The following BLOC1S5 variants were observed in gnomAD, a reference collection of about 807,000 sequenced individuals.
BLOC1S5 encodes the protein biogenesis of lysosome-related organelles complex 1 subunit 5.
A neutral mutation model predicts 24.3 loss-of-function variants in BLOC1S5; 27 were observed. That is an observed-to-expected ratio of 1.11 (90% confidence interval 0.82 to 1.53). The LOEUF (loss-of-function observed/expected upper bound fraction) is 1.53, where lower values mean the gene tolerates loss of function less well. Among genes scored for constraint, BLOC1S5 ranks in the 40% most tolerant of loss-of-function variants. The probability of loss-of-function intolerance (pLI) is 0.00; values close to 1 mark genes in which losing one functional copy is unlikely to be tolerated. For synonymous variants in BLOC1S5, 84 were observed against 74.5 expected (o/e 1.13, Z -0.66); for missense variants, 239 against 229.4 (o/e 1.04, Z -0.27).
chr6:8,023,807 C>T (rs369471376), intron 4 of BLOC1S5, among the ~76,000 whole-genome samples: 8 of 152,066 alleles, frequency 5.3e-5, no homozygotes, highest in African/African-American at 1.2e-4. Flanking sequence ...TTATGACATA[C>T]GTGTGTGTGC....
intron 1 of BLOC1S5, among the ~76,000 whole-genome samples, chr6:8,063,427 A>G (rs1402159421): frequency 6.6e-6 from 1 of 152,230 alleles, no homozygotes; most frequent in Non-Finnish European, 1.5e-5. Context: ...TGTAAGTCTC[A>G]AAATTCCTTG....
chr6:8,045,436 C>T (rs1763845961), intron 2 of BLOC1S5, among the ~76,000 whole-genome samples: 1 of 152,186 alleles, frequency 6.6e-6, no homozygotes, highest in African/African-American at 2.4e-5. Flanking sequence ...AGCCCCCACA[C>T]AGAGTCCCTA....
In BLOC1S5 at chr6:8,044,249, T is replaced by A. The variant is rs537051480; in HGVS notation, c.196-2981A>T. Among the ~76,000 whole-genome samples, 541 of 128,136 alleles carry A rather than the reference T, an allele frequency of 4.2e-3. 1 individual carries two copies. The highest frequency in any genetic ancestry group is 5.6e-3 in the Non-Finnish European group (363 of 64,368). 84.1% of individuals were successfully genotyped at this position (128,136 alleles called of 152,430 possible). On this transcript the variant is annotated intron_variant, in intron 2 of 4. Coordinates refer to ENST00000397457, the MANE Select transcript of BLOC1S5 (RefSeq NM_201280.3). ...CAGTGAGCCAAGATTGTGCCACTGC[T>A]CTCCAGCCTGGGCGACAGAGCAAGA...
intron 4 of BLOC1S5, among the ~76,000 whole-genome samples, chr6:8,017,575 T>C (rs1008470132): frequency 2.0e-5 from 3 of 152,246 alleles, no homozygotes; most frequent in African/African-American, 7.2e-5. Context: ...ACGTTCTTCC[T>C]GTTCTATTTT....
rs1762688996 is a variant in BLOC1S5, at chr6:8,015,069, C to T, written c.*580G>A. 3 of 152,718 alleles carry T rather than the reference C, an allele frequency of 2.0e-5. No homozygotes were observed. The South Asian group carries it at 6.2e-4, about 32-fold the overall frequency. 9.5% of individuals were successfully genotyped at this position (152,718 alleles called of 1,614,324 possible). ...GCACTGTAAAATATGCAACGCTTCC[C>T]AAGAGGCAGCTCAAACACCAGCGTG... On this transcript the variant is annotated 3_prime_UTR_variant, in exon 5 of 5. Transcript: ENST00000397457.
At chr6:8,046,230 C>T (rs1342020732) in intron 2 of BLOC1S5, among the ~76,000 whole-genome samples, 1 of 152,130 alleles carries the variant, frequency 6.6e-6, no homozygotes, top group Non-Finnish European at 1.5e-5. Context: ...CACTTGCTGC[C>T]ACCATGTAAG....
rs1757373553 is a variant in BLOC1S5, at chr6:8,064,303, G to A, written c.74C>T (p.Ser25Phe). The A allele has an allele frequency of 1.2e-6, 2 of 1,613,666 alleles. No individual in the cohort carries two copies. Among genetic ancestry groups the A allele is most frequent in the African/African-American group, 2.7e-5 (2 of 74,916 alleles). Residue 25 changes from serine (S) to phenylalanine (F), a missense_variant, in exon 1 of 5, where the codon TCC (serine) becomes TTC (phenylalanine). Transcript: ENST00000397457. ...APGGGSKKRDSLGTAGSAHLI... is the reference protein window; with the variant it reads ...APGGGSKKRDFLGTAGSAHLI... The stretch of plus-strand genomic sequence containing the variant: ...GTGCGCTGAGCCCGCAGTCCCCAGG[G>A]AGTCCCTCTTCTTGCTGCCACCGCC...
At chr6:8,042,022 T>C (rs1021025020) in intron 2 of BLOC1S5, 3 of 152,232 alleles carry the variant, frequency 2.0e-5, no homozygotes, top group African/African-American at 4.8e-5. Flanking sequence ...TGAAAATTTA[T>C]GCAGCTTTCT....
chr6:8,053,252 G>A (rs976037164), intron 2 of BLOC1S5, among the ~76,000 whole-genome samples: 14 of 152,240 alleles, frequency 9.2e-5, no homozygotes, highest in Non-Finnish European at 1.9e-4. Flanking sequence ...ATGAAATTTC[G>A]AAAAAACTTC....
chr6:8,035,359 T>A (rs9505341), intron 3 of BLOC1S5, among the ~76,000 whole-genome samples: 80,318 of 148,356 alleles, frequency 0.54, 22,425 homozygotes, highest in East Asian at 0.73. Flanking sequence ...TTTTTTTTTT[T>A]AAAAAAAAGG....
intron 3 of BLOC1S5, among the ~76,000 whole-genome samples, chr6:8,034,320 T>C (rs907276729): frequency 1.3e-5 from 2 of 152,196 alleles, no homozygotes; most frequent in African/African-American, 4.8e-5. Flanking sequence ...TGAGTTTATG[T>C]CCTTTGCAGG....
intron 3 of BLOC1S5, among the ~76,000 whole-genome samples, chr6:8,030,865 C>CA (rs55692261): frequency 0.027 from 3,242 of 118,538 alleles, 149 homozygotes; most frequent in Middle Eastern, 0.049. Context: ...GACCAACAGT[C>CA]AAAAAAAAAA....
At chr6:8,061,445 T>G (rs937470576) in intron 2 of BLOC1S5, among the ~76,000 whole-genome samples, 1 of 152,164 alleles carries the variant, frequency 6.6e-6, no homozygotes, top group Non-Finnish European at 1.5e-5. Context: ...ACATGTTACT[T>G]AACATGTATA....
chr6:8,055,169 C>T (rs1018001653), intron 2 of BLOC1S5, among the ~76,000 whole-genome samples: 1 of 152,208 alleles, frequency 6.6e-6, no homozygotes, highest in South Asian at 2.1e-4. Context: ...TGGTGGCTCA[C>T]GCCTGTAATC....
At chr6:8,053,204 C>T (rs1432296898) in intron 2 of BLOC1S5, among the ~76,000 whole-genome samples, 2 of 152,144 alleles carry the variant, frequency 1.3e-5, no homozygotes, top group African/African-American at 4.8e-5. Flanking sequence ...ATTATATAGA[C>T]TTAGTTAATA....
intron 3 of BLOC1S5, among the ~76,000 whole-genome samples, chr6:8,035,988 A>G (rs527259817): frequency 9.2e-5 from 14 of 152,176 alleles, no homozygotes; most frequent in Non-Finnish European, 1.9e-4. Flanking sequence ...AGGCCACAAA[A>G]CAAGTCTTAA....
In BLOC1S5 at chr6:8,027,999, C is replaced by G. The variant is rs148039724; in HGVS notation, c.326-1574G>C. ...TCTTCACAAAGCCCTCCTGATTAGT[C>G]CCTTCCCTCTGAGGATTTTCCCTAT... On this transcript the variant is annotated intron_variant, in intron 3 of 4. Transcript: ENST00000397457. Among the ~76,000 whole-genome samples the G allele has an allele frequency of 1.8e-3, 281 of 152,338 alleles. 3 individuals are homozygous for G. Among genetic ancestry groups the G allele is most frequent in the African/African-American group, 6.5e-3 (272 of 41,578 alleles).
chr6:8,064,413 C>CGGCAT, upstream of BLOC1S5: 1 of 1,562,122 alleles, frequency 6.4e-7, no homozygotes, highest in Non-Finnish European at 8.7e-7. Context: ...CACGCTGCGC[C>CGGCAT]TGCGCAAACC....
chr6:8,041,537 C>A (rs925548752), intron 2 of BLOC1S5, among the ~76,000 whole-genome samples: 2 of 151,914 alleles, frequency 1.3e-5, no homozygotes, highest in Non-Finnish European at 1.5e-5. Context: ...TGGTCTCGAT[C>A]TCCTGACCTT....
Sources: gnomAD v4.1 joint callset for allele counts (sites outside exome capture counted in the v4.1 genomes callset) on GRCh38, gnomAD v4.1.1 for gene constraint, MANE v1.5 for transcripts, NCBI Gene and HGNC (gene_info 2026-07-23, HGNC 2026-07-21) for gene names.